Variants in FMN2 observed in about 807,000 individuals in gnomAD.
FMN2 encodes formin 2.
Under a neutral mutation model 142.3 loss-of-function variants are expected in FMN2, and 51 were observed. That is an observed-to-expected ratio of 0.36 (90% CI 0.29 to 0.45). The LOEUF is 0.45. FMN2 is among the 20% of genes least tolerant of loss of function. FMN2 has a pLI of 1.00. For synonymous variants in FMN2, 882 were observed against 869.8 expected (o/e 1.01, Z -0.25); for missense variants, 1,936 against 2,122.8 (o/e 0.91, Z 1.73).
chr1:240,347,541 A>G (rs1671948979), intron 13 of FMN2, among the ~76,000 whole-genome samples: 1 of 152,010 alleles, frequency 6.6e-6, no homozygotes, highest in Non-Finnish European at 1.5e-5. Context: ...TTTACTTTAT[A>G]TCTTGGGGTT....
At chr1:240,183,837 G>A (rs1479222109) in intron 3 of FMN2, among the ~76,000 whole-genome samples, 2 of 152,120 alleles carry the variant, frequency 1.3e-5, no homozygotes, top group Non-Finnish European at 2.9e-5. Context: ...TTTAAATGAA[G>A]TTTAATGAAT....
chr1:240,404,927 T>C (rs765903041), intron 15 of FMN2, among the ~76,000 whole-genome samples: 5 of 152,216 alleles, frequency 3.3e-5, no homozygotes, highest in Non-Finnish European at 7.3e-5. Flanking sequence ...TCTTGGTTGA[T>C]AATTATAAGA....
At chr1:240,447,540 A>G (rs1351877570) in intron 16 of FMN2, among the ~76,000 whole-genome samples, 1 of 152,236 alleles carries the variant, frequency 6.6e-6, no homozygotes, top group Non-Finnish European at 1.5e-5. Flanking sequence ...ACAGACAGTA[A>G]CAAGTGTTGC....
chr1:240,407,778 C>T (rs150829319), intron 15 of FMN2, among the ~76,000 whole-genome samples: 83 of 152,238 alleles, frequency 5.5e-4, no homozygotes, highest in African/African-American at 2.0e-3. Context: ...AAATGTTAGC[C>T]CATTTGGGTG....
intron 6 of FMN2, among the ~76,000 whole-genome samples, chr1:240,256,605 G>T (rs559763147): frequency 7.1e-6 from 1 of 141,354 alleles, no homozygotes; most frequent in South Asian, 2.3e-4. Context: ...AAAAAAAATA[G>T]CTGGGCATGG....
In FMN2 at chr1:240,093,449, C is replaced by T. The variant is rs1248438934; in HGVS notation, c.1340C>T (p.Pro447Leu). The change falls in exon 1 of 18, where the codon CCG becomes CTG. Residue 447 changes from proline to leucine, a missense_variant. Physicochemically the swap from Pro to Leu is moderately conservative, Grantham distance 98. This residue lies in a region of FMN2 where 751 missense variants were observed against 791.8 expected (regional missense o/e 0.95). Coordinates refer to ENST00000319653, the MANE Select transcript of FMN2 (RefSeq NM_020066.5). ...PNQSPRIKRR[P>L]EPSLSRGSRT... The stretch of plus-strand genomic sequence containing the variant: ...CAGAGCCCCAGGATCAAGAGGCGGC[C>T]GGAACCCTCCCTGAGCCGAGGGTCC... 4.3e-6 allele frequency: 7 copies of T among 1,613,512 alleles called. No individual in the cohort carries two copies. The highest frequency in any genetic ancestry group is 2.2e-5 in the East Asian group (1 of 44,838).
At chr1:240,421,983 G>A (rs1456946357) in intron 15 of FMN2, among the ~76,000 whole-genome samples, 2 of 152,164 alleles carry the variant, frequency 1.3e-5, no homozygotes, top group Non-Finnish European at 2.9e-5. Flanking sequence ...CAGCTTCCTG[G>A]TTTGAAGAGG....
intron 15 of FMN2, among the ~76,000 whole-genome samples, chr1:240,418,201 A>AT (rs147438271): frequency 0.13 from 17,548 of 138,110 alleles, 1,205 homozygotes; most frequent in South Asian, 0.2. Context: ...ATTTATTATG[A>AT]TTTTTTTTTT....
intron 16 of FMN2, among the ~76,000 whole-genome samples, chr1:240,440,338 C>T (rs980420800): frequency 1.3e-5 from 2 of 152,178 alleles, no homozygotes; most frequent in African/African-American, 4.8e-5. Context: ...TGACAGCCTC[C>T]TCAGAGTCCC....
chr1:240,123,474 T>C (rs112160077), intron 2 of FMN2, 129 bp downstream of exon 2: 19,094 of 644,442 alleles, frequency 0.03, 371 homozygotes, highest in Admixed American at 0.064. Flanking sequence ...TTTCCTTAGC[T>C]GCTCAACAGC....
At chr1:240,274,379 C>T (rs1242558500) in intron 7 of FMN2, among the ~76,000 whole-genome samples, 1 of 151,994 alleles carries the variant, frequency 6.6e-6, no homozygotes, top group Non-Finnish European at 1.5e-5. Context: ...AACAACCAGG[C>T]AACTGCAAGG....
At chr1:240,337,128 A>C (rs944874622) in intron 13 of FMN2, among the ~76,000 whole-genome samples, 2 of 150,294 alleles carry the variant, frequency 1.3e-5, no homozygotes, top group Non-Finnish European at 3.0e-5. Context: ...TTATTGGATT[A>C]TGTTATTTTA....
At chr1:240,423,239 G>T (rs1192342839) in intron 15 of FMN2, among the ~76,000 whole-genome samples, 1 of 152,174 alleles carries the variant, frequency 6.6e-6, no homozygotes, top group Non-Finnish European at 1.5e-5. Flanking sequence ...TACACTTTAT[G>T]TAAGTTCCTA....
chr1:240,262,655 C>T (rs902873766), intron 7 of FMN2, among the ~76,000 whole-genome samples: 2 of 151,462 alleles, frequency 1.3e-5, no homozygotes, highest in African/African-American at 4.9e-5. Context: ...TATCCCCCAA[C>T]AATGTCACGG....
intron 2 of FMN2, among the ~76,000 whole-genome samples, chr1:240,131,651 G>A (rs1164270004): frequency 1.3e-5 from 2 of 152,110 alleles, no homozygotes; most frequent in Non-Finnish European, 2.9e-5. Flanking sequence ...GGAGGTTGCA[G>A]TGAGCCAAGA....
intron 13 of FMN2, among the ~76,000 whole-genome samples, chr1:240,354,825 A>G (rs1218950306): frequency 6.6e-6 from 1 of 152,140 alleles, no homozygotes; most frequent in African/African-American, 2.4e-5. Flanking sequence ...TAAGAACTGT[A>G]GTGAGAGGTT....
chr1:240,228,328 A>AAAAAAAAAAG (rs1558380489), intron 6 of FMN2, among the ~76,000 whole-genome samples: 1 of 66,370 alleles, frequency 1.5e-5, no homozygotes, highest in Non-Finnish European at 2.7e-5. Flanking sequence ...AAAAAAAAAA[A>AAAAAAAAAAG]AAAAGAAAAA....
chr1:240,366,713 G>A (rs1672682919), intron 14 of FMN2, among the ~76,000 whole-genome samples: 1 of 151,812 alleles, frequency 6.6e-6, no homozygotes, highest in African/African-American at 2.4e-5. Context: ...CACCACACCT[G>A]GCTAATTTTG....
intron 8 of FMN2, among the ~76,000 whole-genome samples, chr1:240,305,614 A>T (rs2102979279): frequency 6.6e-6 from 1 of 152,362 alleles, no homozygotes; most frequent in Admixed American, 6.5e-5. Flanking sequence ...ATCTAGTGAA[A>T]ACAATAGTAT....
Sources: allele counts gnomAD v4.1 joint callset (sites outside exome capture counted in the v4.1 genomes callset), GRCh38; gene constraint gnomAD v4.1.1; regional missense constraint gnomAD v4.1.1; transcripts MANE v1.5; gene names NCBI Gene and HGNC (gene_info 2026-07-23, HGNC 2026-07-21).